PARD3B: variants seen among roughly 807,000 people sequenced by gnomAD.
PARD3B encodes partitioning defective 3 homolog B.
A neutral mutation model predicts 130.2 loss-of-function variants in PARD3B; 103 were observed. The observed-to-expected ratio is 0.79, with a 90% CI of 0.67 to 0.93. PARD3B has a LOEUF of 0.93. Among genes scored for constraint, PARD3B ranks in the 40% least tolerant of loss-of-function variants. The pLI, the probability that PARD3B is intolerant of heterozygous loss-of-function variation, is 0.00. For missense variants in PARD3B, 1,609 were observed against 1,499.2 expected, an observed-to-expected ratio of 1.07 and a Z score of -1.21; for synonymous variants, 583 against 553.2, an observed-to-expected ratio of 1.05 and a Z score of -0.76.
At chr2:205,573,858 T>C (rs916479233) in intron 22 of PARD3B, among the ~76,000 whole-genome samples, 2 of 152,186 alleles carry the variant, frequency 1.3e-5, no homozygotes, top group African/African-American at 4.8e-5. Flanking sequence ...CTAGACAAGT[T>C]AACAGTTCTT....
chr2:204,736,520 A>G (rs2039764523), intron 2 of PARD3B, among the ~76,000 whole-genome samples: 1 of 152,050 alleles, frequency 6.6e-6, no homozygotes, highest in Admixed American at 6.6e-5. Context: ...GAGGACATAC[A>G]GTTTTTGGTT....
chr2:205,385,384 T>G (rs76595614), intron 18 of PARD3B, among the ~76,000 whole-genome samples: 31 of 152,238 alleles, frequency 2.0e-4, no homozygotes, highest in Non-Finnish European at 3.8e-4. Context: ...CAAAAACGTT[T>G]TATGTTAGTG....
At chr2:204,662,986 AAC>A (rs2035880022) in intron 1 of PARD3B, among the ~76,000 whole-genome samples, 1 of 152,168 alleles carries the variant, frequency 6.6e-6, no homozygotes, top group Non-Finnish European at 1.5e-5. Flanking sequence ...CTCATACTGT[AAC>A]CCCATTATAC....
chr2:205,119,412 G>C (rs1038003574), intron 7 of PARD3B, among the ~76,000 whole-genome samples: 1 of 152,070 alleles, frequency 6.6e-6, no homozygotes, highest in Non-Finnish European at 1.5e-5. Flanking sequence ...GGTGTCAGCA[G>C]TCTTCCTTAA....
At chr2:204,982,397 G>A (rs1287351722) in intron 3 of PARD3B, among the ~76,000 whole-genome samples, 1 of 152,184 alleles carries the variant, frequency 6.6e-6, no homozygotes, top group Non-Finnish European at 1.5e-5. Flanking sequence ...AGGCATGGGT[G>A]TGGCCTAGAC....
At chr2:204,742,175 A>G (rs1413168714) in intron 2 of PARD3B, among the ~76,000 whole-genome samples, 2 of 152,166 alleles carry the variant, frequency 1.3e-5, no homozygotes, top group African/African-American at 4.8e-5. Context: ...CCTTCTGAAT[A>G]AGTATTTCTT....
chr2:204,575,103 A>C (rs985133842), intron 1 of PARD3B, among the ~76,000 whole-genome samples: 22 of 152,306 alleles, frequency 1.4e-4, no homozygotes, highest in Non-Finnish European at 8.8e-5. Context: ...TTTAGTAAGA[A>C]CTGTCTTGGT....
At chr2:205,346,419 A>G (rs1025047106) in intron 18 of PARD3B, among the ~76,000 whole-genome samples, 1 of 152,028 alleles carries the variant, frequency 6.6e-6, no homozygotes, top group African/African-American at 2.4e-5. Context: ...TTATTCAGTT[A>G]TCTTACTTGT....
At chr2:205,308,280 A>G (rs1428385595) in intron 18 of PARD3B, among the ~76,000 whole-genome samples, 1 of 152,172 alleles carries the variant, frequency 6.6e-6, no homozygotes, top group Non-Finnish European at 1.5e-5. Context: ...AAGGAAGGAT[A>G]AAAACTTTTG....
intron 4 of PARD3B, among the ~76,000 whole-genome samples, chr2:205,077,143 G>A (rs1701117498): frequency 6.6e-6 from 1 of 151,932 alleles, no homozygotes; most frequent in Non-Finnish European, 1.5e-5. Context: ...TCTCTCTCAA[G>A]ATTTAGATTG....
At chr2:205,179,808 T>C (rs762173065) in intron 13 of PARD3B, among the ~76,000 whole-genome samples, 15 of 152,030 alleles carry the variant, frequency 9.9e-5, no homozygotes, top group South Asian at 4.1e-4. Flanking sequence ...GCTAAACTAA[T>C]GAAACCATAG....
intron 2 of PARD3B, among the ~76,000 whole-genome samples, chr2:204,822,892 A>G (rs1485051891): frequency 1.3e-5 from 2 of 152,202 alleles, no homozygotes; most frequent in East Asian, 3.8e-4. Context: ...AGTATTGATT[A>G]GCTACATATT....
At chr2:205,531,437 C>T (rs988351967) in intron 21 of PARD3B, among the ~76,000 whole-genome samples, 1 of 152,136 alleles carries the variant, frequency 6.6e-6, no homozygotes. Context: ...CCTTCCCCTG[C>T]TGTATTCTCA....
intron 4 of PARD3B, among the ~76,000 whole-genome samples, chr2:205,096,836 G>A (rs1483517945): frequency 6.6e-6 from 1 of 152,108 alleles, no homozygotes; most frequent in African/African-American, 2.4e-5. Context: ...TTTTAAAGAT[G>A]CAATTATTAG....
chr2:205,024,483 T>C (rs1224565802), intron 3 of PARD3B, among the ~76,000 whole-genome samples: 2 of 152,152 alleles, frequency 1.3e-5, no homozygotes, highest in African/African-American at 4.8e-5. Flanking sequence ...TTATTCTTCC[T>C]CCAGATTGTG....
intron 2 of PARD3B, among the ~76,000 whole-genome samples, chr2:204,879,185 A>G (rs1009134294): frequency 6.6e-6 from 1 of 152,174 alleles, no homozygotes; most frequent in South Asian, 2.1e-4. Flanking sequence ...TGTAAAATAA[A>G]CAAACCCATT....
At chr2:204,596,362 G>A (rs1432288473) in intron 1 of PARD3B, among the ~76,000 whole-genome samples, 1 of 151,870 alleles carries the variant, frequency 6.6e-6, no homozygotes, top group Non-Finnish European at 1.5e-5. Flanking sequence ...GTTCCTATTT[G>A]TTTTTCTTTT....
rs531590422 is a variant in PARD3B at position 204,612,645 on chromosome 2, A to G, written c.120+66526A>G. ...AGTTAAGTGTGTATTCCTCTTATTG[A>G]TATTTTAAATATTTTAAATTTATTT... On this transcript the variant is annotated intron_variant, in intron 1 of 22. Coordinates refer to ENST00000406610, the MANE Select transcript of PARD3B (RefSeq NM_001302769.2). Among the ~76,000 whole-genome samples the G allele has an allele frequency of 2.6e-5, 4 of 152,064 alleles. No homozygotes were observed. The South Asian group carries it at 8.3e-4, about 31-fold the overall frequency.
At chr2:205,208,615 C>T (rs1389225573) in intron 15 of PARD3B, among the ~76,000 whole-genome samples, 47 of 141,654 alleles carry the variant, frequency 3.3e-4, no homozygotes, top group African/African-American at 1.2e-3. Flanking sequence ...AACTCCCATT[C>T]ACAATTGCTT....
Sources: allele counts gnomAD v4.1 joint callset (sites outside exome capture counted in the v4.1 genomes callset), GRCh38; gene constraint gnomAD v4.1.1; transcripts MANE v1.5; gene names NCBI Gene and HGNC (gene_info 2026-07-23, HGNC 2026-07-21).